MLXIP: variants seen among roughly 807,000 people sequenced by gnomAD.
MLXIP encodes the protein MLX-interacting protein.
Under a neutral mutation model 87.2 loss-of-function variants are expected in MLXIP, and 30 were observed. The observed-to-expected ratio is 0.34, with a 90% CI of 0.26 to 0.47. The LOEUF (loss-of-function observed/expected upper bound fraction) is 0.47. MLXIP is among the 20% of genes least tolerant of loss of function. MLXIP has a pLI of 1.00. For missense variants in MLXIP, 1,002 were observed against 1,240.1 expected (o/e 0.81, Z 2.88); for synonymous variants, 530 against 514.0 (o/e 1.03, Z -0.42).
intron 15 of MLXIP, 105 bp downstream of exon 15, chr12:122,139,043 C>A: frequency 1.3e-6 from 2 of 1,503,144 alleles, no homozygotes; most frequent in South Asian, 1.3e-5. Context: ...AAATGCCTGT[C>A]ACCAAGCTCC....
At chr12:122,138,164 T>C in intron 12 of MLXIP, 30 bp from the exon 13 acceptor site, 1 of 1,560,664 alleles carries the variant, frequency 6.4e-7, no homozygotes, top group Non-Finnish European at 8.7e-7. Flanking sequence ...GCAATGTGCC[T>C]GTCTTAGTGA....
intron 12 of MLXIP, 83 bp from the exon 13 acceptor site, chr12:122,138,111 C>T: frequency 1.6e-6 from 2 of 1,281,760 alleles, no homozygotes; most frequent in East Asian, 5.1e-5. Flanking sequence ...CCTTGGGCAC[C>T]CAGGATCAGC....
intron 1 of MLXIP, among the ~76,000 whole-genome samples, chr12:122,124,564 G>GT (rs1952848741): frequency 6.7e-6 from 1 of 149,614 alleles, no homozygotes; most frequent in African/African-American, 2.5e-5. Context: ...TCTGTTCCTG[G>GT]TGTTGGCAGA....
At chr12:122,138,575 C>T in intron 14 of MLXIP, 24 bp downstream of exon 14, 1 of 1,599,300 alleles carries the variant, frequency 6.3e-7, no homozygotes, top group South Asian at 1.1e-5. Flanking sequence ...CCTTGGGGCT[C>T]CAACCAGGCA....
At chr12:122,121,990 A>C (rs1453402316) in intron 1 of MLXIP, among the ~76,000 whole-genome samples, 1 of 152,210 alleles carries the variant, frequency 6.6e-6, no homozygotes, top group African/African-American at 2.4e-5. Flanking sequence ...TGGCGACCCT[A>C]GGCGATGGCC....
chr12:122,096,282 A>G (rs144957720), intron 1 of MLXIP, among the ~76,000 whole-genome samples: 77,014 of 151,614 alleles, frequency 0.51, 20,092 homozygotes, highest in Middle Eastern at 0.64. Flanking sequence ...ATTTCATTGT[A>G]TGGATGTACT....
At chr12:122,116,089 A>ACACACACACACAC (rs2135950275) in intron 1 of MLXIP, among the ~76,000 whole-genome samples, 1 of 130,092 alleles carries the variant, frequency 7.7e-6, no homozygotes, top group African/African-American at 3.7e-5. Flanking sequence ...CACACACACA[A>ACACACACACACAC]CATTGACATT....
rs1436661790 is a variant in MLXIP, at chr12:122,145,187, A to G, written c.*3375A>G. The G allele has an allele frequency of 1.3e-5, 2 of 152,416 alleles. No individual in the cohort carries two copies. Among genetic ancestry groups the G allele is most frequent in the African/African-American group, 2.4e-5 (1 of 41,580 alleles). The allele number at this position is 152,416 out of a possible 1,614,324, so 9.4% of individuals were successfully genotyped here. A position where few individuals can be genotyped will look rare whatever the true frequency, so the allele number is the denominator to read the frequency against. ...GCAGGAAGCAATAGCAGCGCTGGCC[A>G]TTGGTGCTGATGACAGCATTGGGTC... On this transcript the variant is annotated 3_prime_UTR_variant, in exon 17 of 17. Coordinates refer to ENST00000319080, the MANE Select transcript of MLXIP (RefSeq NM_014938.6).
chr12:122,101,142 A>G (rs914910084), intron 1 of MLXIP, among the ~76,000 whole-genome samples: 4 of 152,196 alleles, frequency 2.6e-5, no homozygotes, highest in Admixed American at 6.5e-5. Flanking sequence ...CAATTATGAG[A>G]TGGACATTCA....
At chr12:122,129,344 A>G in intron 4 of MLXIP, 118 bp downstream of exon 4, 1 of 1,022,258 alleles carries the variant, frequency 9.8e-7, no homozygotes, top group East Asian at 2.6e-5. Flanking sequence ...GTGGAGCGTC[A>G]AGCAGTAAAT....
In MLXIP at chr12:122,133,320, CT is replaced by C; in HGVS notation, c.1093-26del. ...AAGGAATTGTCTGACCCCAGCATTGCTTCCTGGCTCCTTTCTTCCTTTTTCA... is the reference window on the plus strand; with the variant it reads ...AAGGAATTGTCTGACCCCAGCATTGCTCCTGGCTCCTTTCTTCCTTTTTCA... On this transcript the variant is annotated intron_variant, in intron 8 of 16. Transcript: ENST00000319080. This position sits in a 1 kb window ranked among gnomAD's most constrained non-coding sequence, Gnocchi z 4.9. 6.5e-7 allele frequency: 1 copy of C among 1,532,128 alleles called. No individual in the cohort carries two copies. The highest frequency in any genetic ancestry group is 1.3e-5 in the South Asian group (1 of 78,584). 94.9% of individuals were successfully genotyped at this position (1,532,128 alleles called of 1,614,324 possible).
In MLXIP at chr12:122,133,606, C is replaced by T. The variant is rs747782803; in HGVS notation, c.1351C>T (p.Pro451Ser). 2 of 1,610,430 alleles carry T rather than the reference C, an allele frequency of 1.2e-6. No homozygotes were observed. The highest frequency in any genetic ancestry group is 1.3e-5 in the African/African-American group (1 of 74,778). Reference protein sequence around the residue: ...PAPPPISPVLPLVPPPATALN... With the variant: ...PAPPPISPVLSLVPPPATALN... ...CCCACCGCCCATCTCCCCCGTGTTACCATTAGTTCCTCCTCCTGCCACTGC... is the reference window on the plus strand; with the variant it reads ...CCCACCGCCCATCTCCCCCGTGTTATCATTAGTTCCTCCTCCTGCCACTGC... Residue 451 changes from proline to serine, a missense_variant, in exon 9 of 17, where the codon CCA (proline) becomes TCA (serine). By Grantham distance (74) the Pro-to-Ser change is moderately conservative. Transcript: ENST00000319080. This position sits in a 1 kb window ranked among gnomAD's most constrained non-coding sequence, Gnocchi z 4.9.
chr12:122,094,440 G>A (rs1350425629), intron 1 of MLXIP, among the ~76,000 whole-genome samples: 14 of 137,970 alleles, frequency 1.0e-4, no homozygotes, highest in Admixed American at 6.6e-4. Context: ...GTGTGTATGC[G>A]GTGTCTGGTG....
rs1391269632 is a variant in MLXIP at position 122,132,327 on chromosome 12, A to G, written c.1036A>G (p.Met346Val). 2.5e-6 allele frequency: 4 copies of G among 1,613,124 alleles called. No homozygotes were observed. In the African/African-American group the frequency reaches 4.0e-5, roughly 16 times the overall value. The part of the protein sequence containing the change: ...FSSSRSIFGS[M>V]LPASASAPVP... ...TTCTAGCCGCTCCATTTTTGGCTCC[A>G]TGCTACCTGCATCTGCCTCAGCACC... Residue 346 changes from methionine to valine, a missense_variant, in exon 8 of 17, where the codon ATG becomes GTG. Physicochemically the swap from Met to Val is conservative, Grantham distance 21 (BLOSUM62 1). Around this residue, in one of 3 missense-constraint regions of MLXIP, gnomAD observed 746 missense variants for 897.0 expected, o/e 0.83. Coordinates refer to ENST00000319080, the MANE Select transcript of MLXIP (RefSeq NM_014938.6).
intron 1 of MLXIP, among the ~76,000 whole-genome samples, chr12:122,081,898 A>G (rs1003718566): frequency 2.0e-5 from 3 of 152,032 alleles, no homozygotes; most frequent in Non-Finnish European, 4.4e-5. Context: ...TCTTCGTTCT[A>G]GCTGTCTAAC....
Position 122,095,186 on chromosome 12 carries a change from TGTGTGTG to T in MLXIP, c.413+15934_413+15940del, listed in dbSNP as rs1215524105. On this transcript the variant is annotated intron_variant, in intron 1 of 16. Coordinates refer to ENST00000319080, the MANE Select transcript of MLXIP (RefSeq NM_014938.6). ...GTGTGTGGTGAGTGCGGTGTGGTGG[TGTGTGTG>T]GTGTGTGGTGTGTTGGTGTGTGTGT... Among the ~76,000 whole-genome samples, 8 of 145,748 alleles carry T rather than the reference TGTGTGTG, an allele frequency of 5.5e-5. No individual in the cohort carries two copies. The East Asian group carries it at 8.2e-4, about 15-fold the overall frequency.
At chr12:122,122,905 C>G (rs983532359) in intron 1 of MLXIP, among the ~76,000 whole-genome samples, 1 of 150,104 alleles carries the variant, frequency 6.7e-6, no homozygotes, top group African/African-American at 2.5e-5. Context: ...ATTGCCCAGG[C>G]TGGTCTGGAA....
In MLXIP at chr12:122,142,186, C is replaced by T. The variant is rs1250723770; in HGVS notation, c.*374C>T. On this transcript the variant is annotated 3_prime_UTR_variant, in exon 17 of 17. Transcript: ENST00000319080. ...TGGGATGAGGGTGACAGGGCCTGCT[C>T]CTGTCCTGAGGCCCAGCCTTGTCCC... The T allele has an allele frequency of 2.9e-6, 2 of 701,242 alleles. No individual in the cohort carries two copies. The highest frequency in any genetic ancestry group is 1.7e-5 in the African/African-American group (1 of 57,264). The allele number at this position is 701,242 out of a possible 1,614,324, so 43.4% of individuals were successfully genotyped here.
intron 1 of MLXIP, among the ~76,000 whole-genome samples, chr12:122,100,178 T>C (rs150818419): frequency 0.72 from 109,769 of 152,068 alleles, 40,042 homozygotes; most frequent in African/African-American, 0.83. Flanking sequence ...TTATTCAGAC[T>C]GACTTGGGAA....
Sources: gnomAD v4.1 joint callset for allele counts (sites outside exome capture counted in the v4.1 genomes callset) on GRCh38, gnomAD v4.1.1 for gene constraint, gnomAD v4.1.1 regional missense constraint, Gnocchi (gnomAD v3.1) non-coding constraint, MANE v1.5 for transcripts, NCBI Gene and HGNC (gene_info 2026-07-23, HGNC 2026-07-21) for gene names.